The following RUNX3 variants were observed in gnomAD, a reference collection of about 807,000 sequenced individuals.
RUNX3 encodes RUNX family transcription factor 3.
RUNX3 carries 10 observed loss-of-function variants against 27.7 expected under a neutral mutation model. The observed-to-expected ratio is 0.36, with a 90% CI of 0.22 to 0.61. RUNX3 has a LOEUF of 0.61. Among genes scored for constraint, RUNX3 ranks in the 20% least tolerant of loss-of-function variants. The probability of loss-of-function intolerance (pLI) is 0.72; values close to 1 mark genes in which losing one functional copy is unlikely to be tolerated. For synonymous variants in RUNX3, 270 were observed against 269.2 expected, an observed-to-expected ratio of 1.00 and a Z score of -0.03; for missense variants, 469 against 629.5, an observed-to-expected ratio of 0.75 and a Z score of 2.73.
At chr1:24,911,475 G>A (rs1402568511) in intron 3 of RUNX3, among the ~76,000 whole-genome samples, 1 of 152,192 alleles carries the variant, frequency 6.6e-6, no homozygotes, top group Non-Finnish European at 1.5e-5. Context: ...CCCCCACCCC[G>A]AGCTGCGGTG....
chr1:24,913,746 C>T (rs963695052), intron 3 of RUNX3, among the ~76,000 whole-genome samples: 32 of 152,334 alleles, frequency 2.1e-4, no homozygotes, highest in Non-Finnish European at 3.4e-4. Flanking sequence ...TACCACTGTC[C>T]CCAGGGAATC....
intron 2 of RUNX3, among the ~76,000 whole-genome samples, chr1:24,921,314 C>T (rs1164032835): frequency 6.6e-6 from 1 of 152,176 alleles, no homozygotes; most frequent in Non-Finnish European, 1.5e-5. Context: ...AAAATTAAAC[C>T]AGCCAGGCTG....
chr1:24,931,017 C>A (rs1436949834), upstream of RUNX3, among the ~76,000 whole-genome samples: 1 of 152,244 alleles, frequency 6.6e-6, no homozygotes, highest in Non-Finnish European at 1.5e-5. Context: ...CTCGCGGCGT[C>A]GTTCTTCGTT....
chr1:24,957,777 C>A (rs1365150165), intron 2 of RUNX3, among the ~76,000 whole-genome samples: 1 of 152,228 alleles, frequency 6.6e-6, no homozygotes, highest in Non-Finnish European at 1.5e-5. Flanking sequence ...TGAGGGGGTG[C>A]TATTCATTTT....
At chr1:24,946,777 C>T (rs769526699) in intron 2 of RUNX3, among the ~76,000 whole-genome samples, 11 of 152,098 alleles carry the variant, frequency 7.2e-5, no homozygotes, top group Non-Finnish European at 1.2e-4. Flanking sequence ...CCCACAGCTG[C>T]TCTCCAGCCC....
upstream of RUNX3, among the ~76,000 whole-genome samples, chr1:24,932,383 C>T (rs536483896): frequency 9.9e-5 from 15 of 152,138 alleles, no homozygotes; most frequent in South Asian, 3.1e-3. Flanking sequence ...CGCGGGGCCG[C>T]CTGGCAGGCA....
chr1:24,955,160 C>T (rs951546182), intron 2 of RUNX3, among the ~76,000 whole-genome samples: 2 of 152,176 alleles, frequency 1.3e-5, no homozygotes, highest in Non-Finnish European at 1.5e-5. Flanking sequence ...TCTCAGATTC[C>T]ACCCTTTCTA....
intron 2 of RUNX3, among the ~76,000 whole-genome samples, chr1:24,942,524 G>C (rs1367913473): frequency 1.3e-5 from 2 of 152,162 alleles, no homozygotes; most frequent in Non-Finnish European, 2.9e-5. Flanking sequence ...GGGAAGGTCT[G>C]TCGGAGCAGG....
chr1:24,902,003 G>T lies in RUNX3; in HGVS notation c.*119C>A. On this transcript the variant is annotated 3_prime_UTR_variant, in exon 5 of 5. Transcript: ENST00000308873. This position sits in a 1 kb window ranked among gnomAD's most constrained non-coding sequence, Gnocchi z 9.2. The stretch of plus-strand genomic sequence containing the variant: ...CTCCCACCAGCTGGGACCACCCTGG[G>T]ACCGAGACCACCCTGGAGCGCAGGT... The T allele has an allele frequency of 1.0e-6, 1 of 978,396 alleles. No individual in the cohort carries two copies. The highest frequency in any genetic ancestry group is 1.5e-6 in the Non-Finnish European group (1 of 682,478). 60.6% of individuals were successfully genotyped at this position (978,396 alleles called of 1,614,324 possible).
intron 2 of RUNX3, among the ~76,000 whole-genome samples, chr1:24,957,298 A>G (rs949859485): frequency 3.9e-5 from 6 of 152,124 alleles, no homozygotes; most frequent in Non-Finnish European, 7.3e-5. Flanking sequence ...GAAGCTGGAA[A>G]ACTCTCAGGC....
rs1640888783 is a variant in RUNX3 at position 24,916,344 on chromosome 1, A to C, written c.544+2896T>G. Among the ~76,000 whole-genome samples, 1 of 152,204 alleles carries C rather than the reference A, an allele frequency of 6.6e-6. No homozygotes were observed. Among genetic ancestry groups the C allele is most frequent in the South Asian group, 2.1e-4 (1 of 4,832 alleles). ...ACCAATACCATCCATTTGACAGCTG[A>C]GCACACTGAGGTGAAAAGGCCCTTC... is the stretch of plus-strand genomic sequence containing the variant. On this transcript the variant is annotated intron_variant, in intron 3 of 4. Transcript: ENST00000308873. The surrounding 1 kb of genome is among the most constrained non-coding windows in gnomAD (Gnocchi z 4.8).
Position 24,930,234 on chromosome 1 carries a change from C to A in RUNX3, c.-366G>T. 1 of 983,028 alleles carries A rather than the reference C, an allele frequency of 1.0e-6. No individual in the cohort carries two copies. The highest frequency in any genetic ancestry group is 1.2e-6 in the Non-Finnish European group (1 of 828,914). The allele number at this position is 983,028 out of a possible 1,614,324, so 60.9% of individuals were successfully genotyped here. On this transcript the variant is annotated 5_prime_UTR_variant, in exon 1 of 5. Coordinates refer to ENST00000308873, the MANE Select transcript of RUNX3 (RefSeq NM_004350.3). The surrounding 1 kb of genome is among the most constrained non-coding windows in gnomAD (Gnocchi z 4.1). ...AAGCTCGCCCGCGGCCGCCCCGACT[C>A]CGCGGCCGCAGCCCCAGAACAAATC...
intron 2 of RUNX3, among the ~76,000 whole-genome samples, chr1:24,947,210 C>T (rs778199270): frequency 9.9e-5 from 15 of 152,174 alleles, no homozygotes; most frequent in East Asian, 1.9e-4. Context: ...GGTGCAAAGG[C>T]GCTGCCCCAG....
At chr1:24,903,866 G>A (rs373604924) in intron 4 of RUNX3, among the ~76,000 whole-genome samples, 13 of 152,298 alleles carry the variant, frequency 8.5e-5, no homozygotes, top group South Asian at 4.1e-4. Context: ...ACCTCTCTGC[G>A]CATCAGTTTC....
chr1:24,938,614 A>T (rs1339842113), intron 2 of RUNX3, among the ~76,000 whole-genome samples: 2 of 152,184 alleles, frequency 1.3e-5, no homozygotes, highest in African/African-American at 2.4e-5. Flanking sequence ...TTCCTCTTCT[A>T]TGGCTTGAAT....
In RUNX3 at chr1:24,951,732, G is replaced by A. The variant is rs182449502; in HGVS notation, c.58+12782C>T. 1.5e-3 allele frequency among the ~76,000 whole-genome samples: 228 copies of A among 152,306 alleles called. 1 individual carries two copies. The highest frequency in any genetic ancestry group is 5.2e-3 in the African/African-American group (217 of 41,560). On this transcript the variant is annotated intron_variant, in intron 2 of 6. Transcript: ENST00000338888. ...TAATTCATAGCTACTGTGCTTTGGCGAGCCACGCAGGCTCTGGATGCAGGC... is the reference window on the plus strand; with the variant it reads ...TAATTCATAGCTACTGTGCTTTGGCAAGCCACGCAGGCTCTGGATGCAGGC...
chr1:24,951,278 G>T (rs1451328645), intron 2 of RUNX3, among the ~76,000 whole-genome samples: 1 of 151,182 alleles, frequency 6.6e-6, no homozygotes, highest in Admixed American at 6.6e-5. Context: ...TTCCCTGCAT[G>T]TGTTGCCATG....
At chr1:24,935,954 CCT>C (rs1641340848) in intron 2 of RUNX3, among the ~76,000 whole-genome samples, 2 of 152,240 alleles carry the variant, frequency 1.3e-5, no homozygotes, top group African/African-American at 4.8e-5. Context: ...GCACCCCACT[CCT>C]CGATCAGGGA....
chr1:24,948,594 T>C (rs562188196), intron 2 of RUNX3, among the ~76,000 whole-genome samples: 3 of 144,740 alleles, frequency 2.1e-5, no homozygotes, highest in African/African-American at 7.8e-5. Flanking sequence ...AGGGCAGGGG[T>C]GCATGTGGAG....
Sources: gnomAD v4.1 joint callset for allele counts (sites outside exome capture counted in the v4.1 genomes callset) on GRCh38, gnomAD v4.1.1 for gene constraint, Gnocchi (gnomAD v3.1) non-coding constraint, MANE v1.5 for transcripts, NCBI Gene and HGNC (gene_info 2026-07-23, HGNC 2026-07-21) for gene names.